CDK13: variants seen among roughly 807,000 people sequenced by gnomAD.
CDK13 encodes cyclin-dependent kinase 13.
In CDK13, 40 loss-of-function variants were observed where a neutral mutation model predicts 137.6. The ratio of observed to expected loss-of-function variants is 0.29; its 90% CI spans 0.23 to 0.38. The LOEUF (loss-of-function observed/expected upper bound fraction) is 0.38. Among genes scored for constraint, CDK13 ranks in the 10% least tolerant of loss-of-function variants. The pLI is 1.00. For synonymous variants in CDK13, 869 were observed against 760.1 expected (o/e 1.14, Z -2.36); for missense variants, 1,704 against 1,951.8 (o/e 0.87, Z 2.39).
chr7:40,056,050 G>A (rs1426936441), intron 7 of CDK13, among the ~76,000 whole-genome samples: 3 of 152,054 alleles, frequency 2.0e-5, no homozygotes, highest in African/African-American at 4.8e-5. Flanking sequence ...CATCCTAATC[G>A]TAACGTGGAT....
At chr7:40,034,030 A>C (rs1251811406) in intron 5 of CDK13, among the ~76,000 whole-genome samples, 1 of 152,256 alleles carries the variant, frequency 6.6e-6, no homozygotes. Context: ...TGTTAAGGAC[A>C]GAATGCTCTG....
chr7:39,997,825 C>T (rs1219199761), intron 3 of CDK13, 161 bp downstream of exon 3: 4 of 564,628 alleles, frequency 7.1e-6, no homozygotes, highest in Non-Finnish European at 1.2e-5. Flanking sequence ...ATCATAATTG[C>T]TTGCATTCCT....
chr7:40,014,188 C>T (rs538983670), intron 5 of CDK13, among the ~76,000 whole-genome samples: 3 of 150,794 alleles, frequency 2.0e-5, no homozygotes, highest in African/African-American at 4.9e-5. Context: ...TCTGCCTCAG[C>T]CTCCTGAGTA....
In CDK13 at chr7:39,991,376, T is replaced by G. The variant is rs368979466; in HGVS notation, c.1871+3118T>G. ...AGAGTGAGTAATGGTCTGCATAATC[T>G]CATTGCTGTATCTTAAGGAAAGCTT... On this transcript the variant is annotated intron_variant, in intron 2 of 13. Transcript: ENST00000181839. Among the ~76,000 whole-genome samples the G allele has an allele frequency of 3.9e-4, 60 of 152,332 alleles. 1 individual carries two copies. The South Asian group carries it at 0.012, about 31-fold the overall frequency.
chr7:40,056,782 G>C (rs1048754096), intron 7 of CDK13, among the ~76,000 whole-genome samples: 9 of 152,340 alleles, frequency 5.9e-5, no homozygotes, highest in African/African-American at 2.2e-4. Context: ...GTTAGACCTT[G>C]ATGGTTGAAT....
chr7:40,075,980 C>G (rs180922806), intron 9 of CDK13, among the ~76,000 whole-genome samples: 45 of 152,312 alleles, frequency 3.0e-4, no homozygotes, highest in Non-Finnish European at 4.4e-4. Flanking sequence ...ATGCCTTTGC[C>G]TGTGTTCTCT....
At chr7:40,016,119 T>A (rs1226181127) in intron 5 of CDK13, among the ~76,000 whole-genome samples, 2 of 152,146 alleles carry the variant, frequency 1.3e-5, no homozygotes, top group Admixed American at 6.5e-5. Context: ...AGAGTGCCAT[T>A]TAGAGCACAT....
intron 5 of CDK13, among the ~76,000 whole-genome samples, chr7:40,041,018 A>G (rs770196637): frequency 6.6e-6 from 1 of 152,164 alleles, no homozygotes; most frequent in Admixed American, 6.6e-5. Flanking sequence ...TTAAAAAAAG[A>G]AAGGTTGAAA....
chr7:40,058,129 G>A (rs1786061488), intron 7 of CDK13, among the ~76,000 whole-genome samples: 1 of 152,066 alleles, frequency 6.6e-6, no homozygotes, highest in African/African-American at 2.4e-5. Flanking sequence ...TGATGAGAAA[G>A]GGAAAACTTA....
intron 1 of CDK13, among the ~76,000 whole-genome samples, chr7:39,959,183 C>CTT (rs568947203): frequency 6.9e-6 from 1 of 144,122 alleles, no homozygotes; most frequent in East Asian, 2.0e-4. Context: ...TAATTTCTTT[C>CTT]TTTTTTTTTT....
chr7:40,024,645 GTTTTTTTTTTTTT>G (rs58010602), intron 5 of CDK13, among the ~76,000 whole-genome samples: 1,134 of 50,288 alleles, frequency 0.023, 20 homozygotes, highest in African/African-American at 0.08. Context: ...GTAGCTCTGT[GTTTTTTTTTTTTT>G]TTTTTTTTTT....
At chr7:39,989,112 G>GAAAAAA (rs1562714957) in intron 2 of CDK13, among the ~76,000 whole-genome samples, 3 of 37,346 alleles carry the variant, frequency 8.0e-5, no homozygotes, top group Non-Finnish European at 4.7e-5. Flanking sequence ...AAAAAAAAAA[G>GAAAAAA]AGAAAATTCA....
At chr7:39,962,158 G>A (rs1442181950) in intron 1 of CDK13, among the ~76,000 whole-genome samples, 7 of 152,186 alleles carry the variant, frequency 4.6e-5, no homozygotes, top group Admixed American at 3.9e-4. Context: ...ACCCAGTAAT[G>A]GGATTGCTGG....
chr7:39,971,952 A>G (rs1562705124), intron 1 of CDK13, among the ~76,000 whole-genome samples: 1 of 152,230 alleles, frequency 6.6e-6, no homozygotes, highest in Non-Finnish European at 1.5e-5. Context: ...TGTTGATATT[A>G]ATAAGGTCTG....
chr7:40,015,373 C>T (rs1413025562), intron 5 of CDK13, among the ~76,000 whole-genome samples: 1 of 152,118 alleles, frequency 6.6e-6, no homozygotes, highest in East Asian at 1.9e-4. Context: ...GAAATATGTG[C>T]TCTTGGAACA....
chr7:39,963,140 GT>G (rs1234905174), intron 1 of CDK13, among the ~76,000 whole-genome samples: 1 of 152,116 alleles, frequency 6.6e-6, no homozygotes, highest in Non-Finnish European at 1.5e-5. Flanking sequence ...CTTTAAAGTA[GT>G]TTTTTCCAAT....
intron 5 of CDK13, among the ~76,000 whole-genome samples, chr7:40,020,334 C>G (rs1331462646): frequency 6.6e-6 from 1 of 152,192 alleles, no homozygotes; most frequent in Non-Finnish European, 1.5e-5. Context: ...CGGCAAAGCT[C>G]TGGGATTACA....
intron 5 of CDK13, among the ~76,000 whole-genome samples, chr7:40,040,210 T>C (rs1336963979): frequency 1.3e-5 from 2 of 152,154 alleles, no homozygotes; most frequent in Non-Finnish European, 2.9e-5. Flanking sequence ...CATTTGCTTT[T>C]TATGCTGGTG....
At chr7:40,052,208 ACT>A (rs1785906199) in intron 7 of CDK13, among the ~76,000 whole-genome samples, 4 of 152,128 alleles carry the variant, frequency 2.6e-5, no homozygotes, top group Admixed American at 2.6e-4. Flanking sequence ...ACGGAGTCTC[ACT>A]CTGTCACTCA....
Sources: allele counts gnomAD v4.1 joint callset (sites outside exome capture counted in the v4.1 genomes callset), GRCh38; gene constraint gnomAD v4.1.1; transcripts MANE v1.5; gene names NCBI Gene and HGNC (gene_info 2026-07-23, HGNC 2026-07-21).